Variants in IL1R2 observed in about 807,000 individuals in gnomAD.
IL1R2 encodes the protein interleukin-1 receptor type 2.
In IL1R2, 46 loss-of-function variants were observed where a neutral mutation model predicts 39.5. The observed-to-expected ratio is 1.16, with a 90% CI of 0.92 to 1.49. IL1R2 has a LOEUF of 1.49. Among genes scored for constraint, IL1R2 ranks in the 40% most tolerant of loss-of-function variants. IL1R2 has a pLI of 0.00. For missense variants in IL1R2, 537 were observed against 502.0 expected (o/e 1.07, Z -0.67); for synonymous variants, 207 against 189.6 (o/e 1.09, Z -0.75).
chr2:102,019,623 A>T lies in IL1R2; in HGVS notation c.514-15A>T, dbSNP rs372546149. On this transcript the variant is annotated splice_polypyrimidine_tract_variant and intron_variant, in intron 4 of 8. Coordinates refer to ENST00000332549, the MANE Select transcript of IL1R2 (RefSeq NM_004633.4). ...ATTGGTATAATGTCAACTTAAAAAA[A>T]CATTTTCCCTTAAGGATTCTCTTCT... 22 of 1,592,768 alleles carry T rather than the reference A, an allele frequency of 1.4e-5. No individual in the cohort carries two copies. The African/African-American group carries it at 3.0e-4, about 21-fold the overall frequency.
intron 4 of IL1R2, among the ~76,000 whole-genome samples, chr2:102,019,334 A>G (rs1677210491): frequency 1.3e-5 from 2 of 152,216 alleles, no homozygotes; most frequent in South Asian, 4.1e-4. Context: ...GGACATAAAC[A>G]TATTTGTATT....
At chr2:102,015,812 C>A in intron 3 of IL1R2, 59 bp from the exon 4 acceptor site, 1 of 1,340,200 alleles carries the variant, frequency 7.5e-7, no homozygotes, top group South Asian at 1.2e-5. Context: ...TGCTTAATTT[C>A]ATTTAGCTTT....
intron 1 of IL1R2, among the ~76,000 whole-genome samples, chr2:102,007,723 G>C (rs1676354026): frequency 6.6e-6 from 1 of 152,226 alleles, no homozygotes; most frequent in Non-Finnish European, 1.5e-5. Flanking sequence ...CTGGAGGGCA[G>C]AGAGGGAGGG....
intron 1 of IL1R2, among the ~76,000 whole-genome samples, chr2:102,003,538 CTGGCTG>C (rs1308925572): frequency 2.5e-5 from 3 of 118,630 alleles, no homozygotes; most frequent in Admixed American, 8.2e-5. Context: ...GTGTCTGTGT[CTGGCTG>C]TGGCTGTGGC....
At chr2:102,001,839 T>C (rs543235467) in intron 1 of IL1R2, 1 of 152,322 alleles carries the variant, frequency 6.6e-6, no homozygotes, top group Admixed American at 6.5e-5. Context: ...TTATACGACA[T>C]GCGTAAAACA....
At chr2:102,024,032 G>A (rs1366199036) in intron 6 of IL1R2, among the ~76,000 whole-genome samples, 2 of 146,232 alleles carry the variant, frequency 1.4e-5, no homozygotes, top group Non-Finnish European at 3.0e-5. Context: ...CTGGGCGACA[G>A]AGCGAGACTC....
Position 102,009,759 on chromosome 2 carries a change from C to T in IL1R2, c.265C>T (p.Gln89Ter). ...AGAAGAAGAGACACGGATGTGGGCC[C>T]AGGACGGTGCTCTGTGGCTTCTGCC... is the stretch of plus-strand genomic sequence containing the variant. The part of the protein sequence containing the change: ...PGEEETRMWA[Q>*]DGALWLLPAL... The change falls in exon 3 of 9, where the codon CAG becomes TAG. Residue 89 changes from glutamine (Q) to a stop codon, truncating the protein, a stop_gained. Transcript: ENST00000332549. LOFTEE classifies it high-confidence loss of function. 1 of 1,614,198 alleles carries T rather than the reference C, an allele frequency of 6.2e-7. No individual in the cohort carries two copies. The highest frequency in any genetic ancestry group is 8.5e-7 in the Non-Finnish European group (1 of 1,180,026).
At chr2:101,999,584 G>A (rs1675749009) in intron 1 of IL1R2, among the ~76,000 whole-genome samples, 1 of 152,216 alleles carries the variant, frequency 6.6e-6, no homozygotes, top group Admixed American at 6.5e-5. Flanking sequence ...TTGACTTAGA[G>A]TTCCAGGGTT....
intron 4 of IL1R2, among the ~76,000 whole-genome samples, chr2:102,019,250 A>T (rs770292799): frequency 2.0e-5 from 3 of 152,200 alleles, no homozygotes; most frequent in Non-Finnish European, 4.4e-5. Context: ...TCTTCTGAGC[A>T]TTGTTGTCCA....
At chr2:102,024,866 T>C (rs762221769) in intron 7 of IL1R2, 198 bp downstream of exon 7, 2 of 622,766 alleles carry the variant, frequency 3.2e-6, no homozygotes, top group East Asian at 6.2e-5. Flanking sequence ...TACTTAAAAG[T>C]TGAGTTGCAG....
chr2:102,002,347 T>TG (rs1323912410), intron 1 of IL1R2, among the ~76,000 whole-genome samples: 4 of 59,744 alleles, frequency 6.7e-5, no homozygotes, highest in Admixed American at 6.6e-4. Flanking sequence ...TGTCTGCGGG[T>TG]GTGTCTGTGT....
At chr2:102,022,023 G>C in intron 5 of IL1R2, 164 bp from the exon 6 acceptor site, 1 of 634,416 alleles carries the variant, frequency 1.6e-6, no homozygotes, top group Non-Finnish European at 2.9e-6. Flanking sequence ...AAGGATGCTC[G>C]ATTTTGTAGA....
chr2:102,011,458 G>A (rs1676629854), intron 3 of IL1R2, among the ~76,000 whole-genome samples: 1 of 152,144 alleles, frequency 6.6e-6, no homozygotes, highest in Non-Finnish European at 1.5e-5. Flanking sequence ...TCTCATTGTG[G>A]CTTTGATTTC....
chr2:102,009,508 T>C, intron 2 of IL1R2, 54 bp from the exon 3 acceptor site: 1 of 1,580,266 alleles, frequency 6.3e-7, no homozygotes, highest in Non-Finnish European at 8.6e-7. Flanking sequence ...GGAGGTTTTA[T>C]GATCTGAGCA....
chr2:102,010,103 G>A, intron 3 of IL1R2: 1 of 441,892 alleles, frequency 2.3e-6, no homozygotes, highest in South Asian at 3.0e-5. Context: ...CCCTGCTGTA[G>A]TTTCCTTGCG....
chr2:102,027,063 C>T (rs733498), intron 8 of IL1R2, among the ~76,000 whole-genome samples: 30,795 of 152,186 alleles, frequency 0.2, 3,644 homozygotes, highest in African/African-American at 0.32. Flanking sequence ...CCCAACTTTC[C>T]TCCAACTGTG....
At chr2:102,009,248 A>G (rs1358838553) in intron 2 of IL1R2, among the ~76,000 whole-genome samples, 3 of 151,482 alleles carry the variant, frequency 2.0e-5, no homozygotes, top group Non-Finnish European at 4.4e-5. Context: ...AGTGAAAACT[A>G]TGGCCATAGT....
intron 1 of IL1R2, among the ~76,000 whole-genome samples, chr2:101,992,275 A>G (rs1427098895): frequency 1.1e-4 from 16 of 148,642 alleles, no homozygotes; most frequent in Admixed American, 1.0e-3. Flanking sequence ...ACAGAGAGAG[A>G]CAGAGGCAGA....
intron 6 of IL1R2, among the ~76,000 whole-genome samples, chr2:102,023,829 CGAGGTTAGGAGATCGA>C (rs1009088844): frequency 7.3e-5 from 11 of 151,638 alleles, no homozygotes; most frequent in Non-Finnish European, 1.5e-5. Flanking sequence ...AGGTGGATCA[CGAGGTTAGGAGATCGA>C]GACCATCCTG....
Sources: allele counts gnomAD v4.1 joint callset (sites outside exome capture counted in the v4.1 genomes callset), GRCh38; gene constraint gnomAD v4.1.1; transcripts MANE v1.5; gene names NCBI Gene and HGNC (gene_info 2026-07-23, HGNC 2026-07-21).